MICB: variants seen among roughly 807,000 people sequenced by gnomAD.
MICB encodes the protein MHC class I antigen-related protein B.
A neutral mutation model predicts 34.3 loss-of-function variants in MICB; 27 were observed. That is an observed-to-expected ratio of 0.79 (90% CI 0.58 to 1.08). The LOEUF is 1.08. MICB is among the 50% of genes least tolerant of loss of function. The pLI is 0.00. For missense variants in MICB, 426 were observed against 483.1 expected (o/e 0.88, Z 1.11); for synonymous variants, 153 against 187.4 (o/e 0.82, Z 1.50).
rs1582877252 is a variant in MICB, at chr6:31,505,807, G to A, written c.261G>A (p.Glu87=). The change falls in exon 2 of 6, where the codon GAG becomes GAA. Residue 87 remains glutamate (E), a synonymous_variant. Coordinates refer to ENST00000252229, the MANE Select transcript of MICB (RefSeq NM_005931.5). ...LGAKTWDTET[E]DLTENGQDLR... Reference sequence around the variant, plus strand: ...CTAAGACCTGGGACACAGAGACCGAGGACTTGACAGAGAATGGGCAAGACC... The same window carrying A: ...CTAAGACCTGGGACACAGAGACCGAAGACTTGACAGAGAATGGGCAAGACC... 6.2e-7 allele frequency: 1 copy of A among 1,613,204 alleles called. No individual in the cohort carries two copies. Among genetic ancestry groups the A allele is most frequent in the Non-Finnish European group, 8.5e-7 (1 of 1,179,980 alleles).
At chr6:31,504,376 C>T (rs1394326803) in intron 1 of MICB, among the ~76,000 whole-genome samples, 5 of 150,858 alleles carry the variant, frequency 3.3e-5, no homozygotes, top group Non-Finnish European at 7.4e-5. Context: ...TCTCCCGCCT[C>T]AGCCTCCCGA....
chr6:31,501,137 G>C (rs1189874123), intron 1 of MICB, among the ~76,000 whole-genome samples: 1 of 152,014 alleles, frequency 6.6e-6, no homozygotes, highest in Non-Finnish European at 1.5e-5. Flanking sequence ...ATCTGGGGTG[G>C]GATGATATCT....
intron 5 of MICB, 62 bp from the exon 6 acceptor site, chr6:31,509,720 C>T (rs1239037340): frequency 1.3e-6 from 2 of 1,488,694 alleles, no homozygotes; most frequent in Admixed American, 2.2e-5. Context: ...AGAGAAAAGT[C>T]CTTAGGGAAT....
In MICB at chr6:31,506,360, C is replaced by T. The variant is rs761060976; in HGVS notation, c.543C>T (p.Arg181=). 5.1e-5 allele frequency: 83 copies of T among 1,614,064 alleles called. No individual in the cohort carries two copies. Among genetic ancestry groups the T allele is most frequent in the Middle Eastern group, 1.6e-4 (1 of 6,084 alleles). The stretch of plus-strand genomic sequence containing the variant: ...CCATGAAGACCAAGACACACTATCG[C>T]GCTATGCAGGCAGACTGCCTGCAGA... ...EDAMKTKTHY[R]AMQADCLQKL... is the part of the protein sequence containing the mutation. Residue 181 remains arginine (R), a synonymous_variant, in exon 3 of 6, where the codon CGC becomes CGT. Coordinates refer to ENST00000252229, the MANE Select transcript of MICB (RefSeq NM_005931.5).
chr6:31,502,246 G>A lies in MICB; in HGVS notation c.71-3371G>A, dbSNP rs370788447. Among the ~76,000 whole-genome samples, 24 of 152,342 alleles carry A rather than the reference G, an allele frequency of 1.6e-4. No individual in the cohort carries two copies. The East Asian group carries it at 3.5e-3, about 22-fold the overall frequency. On this transcript the variant is annotated intron_variant, in intron 1 of 5. Coordinates refer to ENST00000252229, the MANE Select transcript of MICB (RefSeq NM_005931.5). ...GCTACTCAGGAAAGCTGAGGCAGGAGAATCGCTTGAACCCAGGAGGCAGAG... is the reference window on the plus strand; with the variant it reads ...GCTACTCAGGAAAGCTGAGGCAGGAAAATCGCTTGAACCCAGGAGGCAGAG...
chr6:31,507,530 A>G lies in MICB; in HGVS notation c.1023A>G (p.Pro341=). ...CKKKTSAAEG[P]ELVSLQVLDQ... is the part of the protein sequence containing the mutation. Reference sequence around the variant, plus strand: ...AGAAAACATCAGCGGCAGAGGGTCCAGGTGAGAAAAGGGGACAGTTTCTGG... The same window carrying G: ...AGAAAACATCAGCGGCAGAGGGTCCGGGTGAGAAAAGGGGACAGTTTCTGG... The change falls in exon 5 of 6, where the codon CCA becomes CCG. Residue 341 remains proline, a splice_region_variant and synonymous_variant. Transcript: ENST00000252229. The surrounding 1 kb of genome is among the most constrained non-coding windows in gnomAD (Gnocchi z 6.0). The G allele has an allele frequency of 6.2e-7, 1 of 1,614,192 alleles. No individual in the cohort carries two copies. The highest frequency in any genetic ancestry group is 8.5e-7 in the Non-Finnish European group (1 of 1,180,032).
upstream of MICB, among the ~76,000 whole-genome samples, chr6:31,496,227 C>A (rs1659454658): frequency 6.6e-6 from 1 of 152,108 alleles, no homozygotes; most frequent in African/African-American, 2.4e-5. Context: ...AGACAGAATT[C>A]TTATTATTGA....
chr6:31,507,027 C>T lies in MICB; in HGVS notation c.619C>T (p.Pro207Ser), dbSNP rs776995599. Residue 207 changes from proline (P) to serine (S), a missense_variant, in exon 4 of 6, where the codon CCC becomes TCC. Transcript: ENST00000252229. The surrounding 1 kb of genome is among the most constrained non-coding windows in gnomAD (Gnocchi z 6.0). ...CTCTGCCCTTTCTTCTCCAGTGCCCCCCATGGTGAATGTCACCTGCAGCGA... is the reference window on the plus strand; with the variant it reads ...CTCTGCCCTTTCTTCTCCAGTGCCCTCCATGGTGAATGTCACCTGCAGCGA... ...SGVAIRRTVP[P>S]MVNVTCSEVS... 6.2e-7 allele frequency: 1 copy of T among 1,613,062 alleles called. No individual in the cohort carries two copies. The highest frequency in any genetic ancestry group is 1.1e-5 in the South Asian group (1 of 90,942).
chr6:31,505,593 C>T, intron 1 of MICB, 24 bp from the exon 2 acceptor site: 1 of 1,608,266 alleles, frequency 6.2e-7, no homozygotes, highest in Non-Finnish European at 8.5e-7. Context: ...GAAGAAGTTT[C>T]ACCTGTGATT....
chr6:31,498,380 G>C, intron 1 of MICB, 117 bp downstream of exon 1: 1 of 684,620 alleles, frequency 1.5e-6, no homozygotes, highest in Non-Finnish European at 2.2e-6. Context: ...GTGCTGTCTG[G>C]AGTGCAGGGA....
At chr6:31,500,385 T>C (rs1764955677) in intron 1 of MICB, among the ~76,000 whole-genome samples, 1 of 152,220 alleles carries the variant, frequency 6.6e-6, no homozygotes, top group Admixed American at 6.5e-5. Flanking sequence ...GCCTACAATA[T>C]GTCATAATCA....
chr6:31,510,080 C>A lies in MICB; in HGVS notation c.*171C>A. The A allele has an allele frequency of 1.6e-6, 1 of 613,574 alleles. No individual in the cohort carries two copies. Among genetic ancestry groups the A allele is most frequent in the Non-Finnish European group, 2.5e-6 (1 of 394,634 alleles). The allele number at this position is 613,574 out of a possible 1,614,324, so 38.0% of individuals were successfully genotyped here. ...TTTGCTGCTCTGCCACGTAGAGAGC[C>A]AGCAAAGGGATCATGACCAACTCAA... On this transcript the variant is annotated 3_prime_UTR_variant, in exon 6 of 6. Coordinates refer to ENST00000252229, the MANE Select transcript of MICB (RefSeq NM_005931.5).
chr6:31,509,880 G>T lies in MICB; in HGVS notation c.1123G>T (p.Gly375Trp). ...LGFQPLMSAT[G>W]STGSTEGT is the part of the protein sequence containing the mutation. ...ATTTCAGCCTCTGATGTCAGCTACT[G>T]GGTCCACTGGTTCCACTGAGGGCAC... is the stretch of plus-strand genomic sequence containing the variant. Residue 375 changes from glycine to tryptophan, a missense_variant, in exon 6 of 6, where the codon GGG (glycine) becomes TGG (tryptophan). By Grantham distance (184) the Gly-to-Trp change is radical. Coordinates refer to ENST00000252229, the MANE Select transcript of MICB (RefSeq NM_005931.5). 1 of 1,613,170 alleles carries T rather than the reference G, an allele frequency of 6.2e-7. No individual in the cohort carries two copies. The highest frequency in any genetic ancestry group is 8.5e-7 in the Non-Finnish European group (1 of 1,179,420).
At chr6:31,503,417 G>A (rs1765108313) in intron 1 of MICB, among the ~76,000 whole-genome samples, 2 of 152,036 alleles carry the variant, frequency 1.3e-5, no homozygotes, top group African/African-American at 4.8e-5. Context: ...ACATTTTTGT[G>A]CAACCCAAAA....
intron 3 of MICB, 99 bp from the exon 4 acceptor site, chr6:31,506,923 A>T (rs1765368732): frequency 6.5e-7 from 1 of 1,528,216 alleles, no homozygotes; most frequent in South Asian, 1.3e-5. Context: ...TCTGTGAGGG[A>T]TTCAGCCAGA....
intron 1 of MICB, among the ~76,000 whole-genome samples, chr6:31,500,696 C>T (rs1296648539): frequency 1.3e-5 from 2 of 152,128 alleles, no homozygotes; most frequent in Non-Finnish European, 2.9e-5. Flanking sequence ...TGAGAACATG[C>T]GAAGTTTGTC....
rs778578532 is a variant in MICB at position 31,505,805 on chromosome 6, G to A, written c.259G>A (p.Glu87Lys). 4.9e-5 allele frequency: 79 copies of A among 1,613,078 alleles called. No individual in the cohort carries two copies. The highest frequency in any genetic ancestry group is 6.7e-5 in the African/African-American group (5 of 74,922). The change falls in exon 2 of 6, where the codon GAG (glutamate) becomes AAG (lysine). Residue 87 changes from glutamate to lysine, a missense_variant. Coordinates refer to ENST00000252229, the MANE Select transcript of MICB (RefSeq NM_005931.5). Reference sequence around the variant, plus strand: ...AGCTAAGACCTGGGACACAGAGACCGAGGACTTGACAGAGAATGGGCAAGA... The same window carrying A: ...AGCTAAGACCTGGGACACAGAGACCAAGGACTTGACAGAGAATGGGCAAGA... ...LGAKTWDTET[E>K]DLTENGQDLR...
chr6:31,509,942 C>T lies in MICB; in HGVS notation c.*33C>T. The T allele has an allele frequency of 1.3e-6, 2 of 1,563,758 alleles. No individual in the cohort carries two copies. The highest frequency in any genetic ancestry group is 1.7e-6 in the Non-Finnish European group (2 of 1,154,712). ...AGCCAGGCGGCCAGGATTCAACTCCCTGCCTGGATCTCACCAGCACTTTCC... is the reference window on the plus strand; with the variant it reads ...AGCCAGGCGGCCAGGATTCAACTCCTTGCCTGGATCTCACCAGCACTTTCC... On this transcript the variant is annotated 3_prime_UTR_variant, in exon 6 of 6. Coordinates refer to ENST00000252229, the MANE Select transcript of MICB (RefSeq NM_005931.5).
chr6:31,509,392 C>T (rs374869970), intron 5 of MICB, among the ~76,000 whole-genome samples: 2 of 152,238 alleles, frequency 1.3e-5, no homozygotes, highest in African/African-American at 4.8e-5. Context: ...CCCTGGTGTG[C>T]AGGTGCCTCT....
Sources: gnomAD v4.1 joint callset for allele counts (sites outside exome capture counted in the v4.1 genomes callset) on GRCh38, gnomAD v4.1.1 for gene constraint, Gnocchi (gnomAD v3.1) non-coding constraint, MANE v1.5 for transcripts, NCBI Gene and HGNC (gene_info 2026-07-23, HGNC 2026-07-21) for gene names.